The following NWD2 variants were observed in gnomAD, a reference collection of about 807,000 sequenced individuals.
The protein encoded by NWD2 is NACHT and WD repeat domain containing 2.
In NWD2, 37 loss-of-function variants were observed where a neutral mutation model predicts 132.7. The observed-to-expected ratio is 0.28, with a 90% CI of 0.21 to 0.37. The LOEUF is 0.37. NWD2 is among the 10% of genes least tolerant of loss of function. NWD2 has a pLI of 1.00. For missense variants in NWD2, 1,592 were observed against 2,122.4 expected (o/e 0.75, Z 4.91); for synonymous variants, 705 against 803.0 (o/e 0.88, Z 2.06).
chr4:37,446,860 C>G lies in NWD2; in HGVS notation c.4872C>G (p.Leu1624=). ...ACAAAACACCAACTTTCCTTGCACT[C>G]TCCCAGAGGCACCTGAACATCATTG... ...SLYKTPTFLA[L]SQRHLNIIVG... The change falls in exon 7 of 7, where the codon CTC becomes CTG. Residue 1624 remains leucine (L), a synonymous_variant. Coordinates refer to ENST00000309447, the MANE Select transcript of NWD2 (RefSeq NM_001144990.2). The surrounding 1 kb of genome is among the most constrained non-coding windows in gnomAD (Gnocchi z 6.7). The G allele has an allele frequency of 2.6e-6, 4 of 1,551,742 alleles. No homozygotes were observed. Among genetic ancestry groups the G allele is most frequent in the South Asian group, 1.2e-5 (1 of 84,046 alleles).
At chr4:37,311,439 G>A (rs935926823) in intron 1 of NWD2, among the ~76,000 whole-genome samples, 37 of 151,516 alleles carry the variant, frequency 2.4e-4, no homozygotes, top group Admixed American at 3.3e-4. Flanking sequence ...CTTCTTTTGA[G>A]AAGTGTCTGT....
chr4:37,432,539 A>G (rs1246858396), intron 4 of NWD2, among the ~76,000 whole-genome samples: 1 of 152,028 alleles, frequency 6.6e-6, no homozygotes, highest in African/African-American at 2.4e-5. Context: ...AGCTGTGTTC[A>G]TTCTGTCTAT....
chr4:37,445,430 C>A lies in NWD2; in HGVS notation c.3442C>A (p.Leu1148Ile). Residue 1148 changes from leucine to isoleucine, a missense_variant, in exon 7 of 7, where the codon CTT becomes ATT. Coordinates refer to ENST00000309447, the MANE Select transcript of NWD2 (RefSeq NM_001144990.2). The surrounding 1 kb of genome is among the most constrained non-coding windows in gnomAD (Gnocchi z 4.7). Reference sequence around the variant, plus strand: ...ATTTTCAGGTGGATTTGTGAAGTTTCTTCTTATCTTGGACACAGCTCAGGA... The same window carrying A: ...ATTTTCAGGTGGATTTGTGAAGTTTATTCTTATCTTGGACACAGCTCAGGA... ...SEFSGGFVKFLLILDTAQEMV... is the reference protein window; with the variant it reads ...SEFSGGFVKFILILDTAQEMV... 1 of 1,551,836 alleles carries A rather than the reference C, an allele frequency of 6.4e-7. No homozygotes were observed. The highest frequency in any genetic ancestry group is 8.7e-7 in the Non-Finnish European group (1 of 1,147,012).
chr4:37,287,398 T>C (rs753576654), intron 1 of NWD2, among the ~76,000 whole-genome samples: 2 of 152,190 alleles, frequency 1.3e-5, no homozygotes, highest in Non-Finnish European at 2.9e-5. Flanking sequence ...CTAAGCAACC[T>C]GGGTTGGGGA....
intron 3 of NWD2, among the ~76,000 whole-genome samples, chr4:37,409,590 T>G (rs1236189407): frequency 1.3e-5 from 2 of 152,124 alleles, no homozygotes; most frequent in Non-Finnish European, 2.9e-5. Flanking sequence ...TTTCAGGATA[T>G]TATCCAGGAG....
At chr4:37,269,226 C>T (rs140937385) in intron 1 of NWD2, among the ~76,000 whole-genome samples, 57 of 151,886 alleles carry the variant, frequency 3.8e-4, no homozygotes, top group East Asian at 5.8e-4. Context: ...TGGAAAATAA[C>T]GCCGGTCACC....
At chr4:37,418,461 T>G (rs1711691736) in intron 3 of NWD2, among the ~76,000 whole-genome samples, 1 of 152,082 alleles carries the variant, frequency 6.6e-6, no homozygotes, top group Admixed American at 6.6e-5. Context: ...AATGATTTCC[T>G]TCTAACGAGT....
chr4:37,361,787 A>C (rs186818816), intron 3 of NWD2, among the ~76,000 whole-genome samples: 1 of 152,132 alleles, frequency 6.6e-6, no homozygotes, highest in Non-Finnish European at 1.5e-5. Flanking sequence ...CACTCTCACC[A>C]CTCCTATTCA....
At chr4:37,442,165 C>T (rs1012695155) in intron 6 of NWD2, among the ~76,000 whole-genome samples, 5 of 152,160 alleles carry the variant, frequency 3.3e-5, no homozygotes, top group Non-Finnish European at 5.9e-5. Flanking sequence ...CATGCCTTAA[C>T]CTGAACTATC....
At chr4:37,373,964 C>T (rs1459154527) in intron 3 of NWD2, among the ~76,000 whole-genome samples, 6 of 152,254 alleles carry the variant, frequency 3.9e-5, no homozygotes, top group East Asian at 3.9e-4. Context: ...GACTGAAAAC[C>T]GTGCATAGAG....
chr4:37,334,507 C>G (rs1424343928), intron 2 of NWD2, among the ~76,000 whole-genome samples: 2 of 152,212 alleles, frequency 1.3e-5, no homozygotes, highest in African/African-American at 4.8e-5. Flanking sequence ...AGCCACCCCA[C>G]ACCCTGTCCT....
intron 2 of NWD2, among the ~76,000 whole-genome samples, chr4:37,341,586 CA>C (rs1248484554): frequency 1.3e-5 from 2 of 152,086 alleles, no homozygotes; most frequent in Non-Finnish European, 2.9e-5. Context: ...GCTCATAAAT[CA>C]GGTCATGGAT....
In NWD2 at chr4:37,302,525, A is replaced by G. The variant is rs550593436; in HGVS notation, c.152-23411A>G. Among the ~76,000 whole-genome samples, 4 of 152,198 alleles carry G rather than the reference A, an allele frequency of 2.6e-5. No individual in the cohort carries two copies. In the South Asian group the frequency reaches 8.3e-4, roughly 32 times the overall value. On this transcript the variant is annotated intron_variant, in intron 1 of 6. Coordinates refer to ENST00000309447, the MANE Select transcript of NWD2 (RefSeq NM_001144990.2). ...GTTAGTTCTATTTTCAGTTTTTTTGAGAAACCTCCACACCGTTTTCCATAA... is the reference window on the plus strand; with the variant it reads ...GTTAGTTCTATTTTCAGTTTTTTTGGGAAACCTCCACACCGTTTTCCATAA...
At chr4:37,320,073 T>G (rs1222770206) in intron 1 of NWD2, among the ~76,000 whole-genome samples, 1 of 152,210 alleles carries the variant, frequency 6.6e-6, no homozygotes, top group African/African-American at 2.4e-5. Context: ...GGCAGCATGG[T>G]CATTTTAATG....
At position 37,439,027 on chromosome 4, in the gene NWD2, A is replaced by G; in HGVS notation, c.933A>G (p.Ala311=). 4 of 1,551,822 alleles carry G rather than the reference A, an allele frequency of 2.6e-6. No individual in the cohort carries two copies. Among genetic ancestry groups the G allele is most frequent in the Non-Finnish European group, 1.7e-6 (2 of 1,147,004 alleles). The change falls in exon 6 of 7, where the codon GCA becomes GCG. Residue 311 remains alanine, a synonymous_variant. Coordinates refer to ENST00000309447, the MANE Select transcript of NWD2 (RefSeq NM_001144990.2). The surrounding 1 kb of genome is among the most constrained non-coding windows in gnomAD (Gnocchi z 4.5). ...ATGAATTTATTCCTACTATTGTTGCATCATCTAATCTGAGAGTGTACACAT... is the reference window on the plus strand; with the variant it reads ...ATGAATTTATTCCTACTATTGTTGCGTCATCTAATCTGAGAGTGTACACAT... The part of the protein sequence containing the change: ...LRDEFIPTIV[A]SSNLRVYTSV...
At chr4:37,400,390 A>G (rs779732243) in intron 3 of NWD2, among the ~76,000 whole-genome samples, 2 of 152,348 alleles carry the variant, frequency 1.3e-5, no homozygotes, top group Non-Finnish European at 2.9e-5. Context: ...GCCTGCAGTG[A>G]AGAGGAATTG....
intron 3 of NWD2, among the ~76,000 whole-genome samples, chr4:37,379,753 C>T (rs1720416243): frequency 6.6e-6 from 1 of 152,136 alleles, no homozygotes; most frequent in African/African-American, 2.4e-5. Flanking sequence ...CTGCATCAAA[C>T]TCTGTTACAA....
At chr4:37,320,859 T>G (rs138294921) in intron 1 of NWD2, among the ~76,000 whole-genome samples, 39 of 152,110 alleles carry the variant, frequency 2.6e-4, no homozygotes, top group Middle Eastern at 3.4e-3. Flanking sequence ...GCAAAGAACA[T>G]GGGAAAAATG....
chr4:37,298,182 TTATC>T (rs1431364637), intron 1 of NWD2, among the ~76,000 whole-genome samples: 2 of 152,098 alleles, frequency 1.3e-5, no homozygotes, highest in Non-Finnish European at 2.9e-5. Flanking sequence ...TTAATAATTT[TTATC>T]TAAGAGGGTC....
Sources: gnomAD v4.1 joint callset for allele counts (sites outside exome capture counted in the v4.1 genomes callset) on GRCh38, gnomAD v4.1.1 for gene constraint, Gnocchi (gnomAD v3.1) non-coding constraint, MANE v1.5 for transcripts, NCBI Gene and HGNC (gene_info 2026-07-23, HGNC 2026-07-21) for gene names.